RIC1: variants seen among roughly 807,000 people sequenced by gnomAD.
The protein encoded by RIC1 is guanine nucleotide exchange factor subunit RIC1.
A neutral mutation model predicts 169.0 loss-of-function variants in RIC1; 88 were observed. The observed-to-expected ratio is 0.52, with a 90% confidence interval of 0.44 to 0.62. The LOEUF is 0.62. RIC1 is among the 20% of genes least tolerant of loss of function. The pLI is 0.00. For missense variants in RIC1, 1,877 were observed against 1,725.5 expected (o/e 1.09, Z -1.56); for synonymous variants, 790 against 601.5 (o/e 1.31, Z -4.59).
chr9:5,732,514 T>G, intron 7 of RIC1, 35 bp downstream of exon 7: 1 of 1,445,428 alleles, frequency 6.9e-7, no homozygotes, highest in Non-Finnish European at 9.4e-7. Flanking sequence ...TTTTTAAGAG[T>G]TGTTGCAAAA....
At chr9:5,652,944 C>T (rs1350915988) in intron 1 of RIC1, among the ~76,000 whole-genome samples, 1 of 152,000 alleles carries the variant, frequency 6.6e-6, no homozygotes, top group African/African-American at 2.4e-5. Flanking sequence ...GCTTTTTCTG[C>T]CTCTCCTGAA....
intron 10 of RIC1, among the ~76,000 whole-genome samples, chr9:5,745,693 T>C (rs1275690661): frequency 6.6e-6 from 1 of 152,176 alleles, no homozygotes; most frequent in African/African-American, 2.4e-5. Context: ...GCATTAAGAA[T>C]GGTAGGTAAT....
intron 3 of RIC1, among the ~76,000 whole-genome samples, chr9:5,690,696 A>T (rs1821545190): frequency 6.6e-6 from 1 of 151,952 alleles, no homozygotes; most frequent in South Asian, 2.1e-4. Flanking sequence ...TTACTGTGTG[A>T]AAAGTTTAAA....
chr9:5,640,933 C>A (rs1818207534), intron 1 of RIC1, among the ~76,000 whole-genome samples: 1 of 152,042 alleles, frequency 6.6e-6, no homozygotes. Flanking sequence ...GCCACTCTCT[C>A]CTGGCCTGTA....
chr9:5,694,146 G>T (rs1433767508), intron 3 of RIC1, among the ~76,000 whole-genome samples: 2 of 152,142 alleles, frequency 1.3e-5, no homozygotes, highest in African/African-American at 4.8e-5. Flanking sequence ...CCTGAGGTTA[G>T]CAATTTTTAA....
Position 5,633,396 on chromosome 9 carries a change from A to G in RIC1, c.144+3943A>G, listed in dbSNP as rs137896087. ...ACTGTTGATGAAAGAATGGAGTTCA[A>G]ACTCCTTAGTTTGATATCACAGACA... On this transcript the variant is annotated intron_variant, in intron 1 of 25. Coordinates refer to ENST00000414202, the MANE Select transcript of RIC1 (RefSeq NM_020829.4). 2.6e-5 allele frequency among the ~76,000 whole-genome samples: 4 copies of G among 152,194 alleles called. No homozygotes were observed. The East Asian group carries it at 5.8e-4, about 22-fold the overall frequency.
chr9:5,705,606 G>A (rs1049852711), intron 3 of RIC1, among the ~76,000 whole-genome samples: 20 of 151,826 alleles, frequency 1.3e-4, no homozygotes, highest in African/African-American at 4.3e-4. Flanking sequence ...CATTTTTTCC[G>A]TTTCTGTTGG....
downstream of RIC1, among the ~76,000 whole-genome samples, chr9:5,778,103 T>C (rs1260215708): frequency 1.3e-5 from 2 of 152,198 alleles, no homozygotes; most frequent in Non-Finnish European, 2.9e-5. Flanking sequence ...GTCTTTCCAT[T>C]TATTGGGTTT....
Position 5,763,337 on chromosome 9 carries a change from G to C in RIC1, c.2310G>C (p.Leu770=). 6.2e-7 allele frequency: 1 copy of C among 1,614,156 alleles called. No individual in the cohort carries two copies. The highest frequency in any genetic ancestry group is 1.3e-5 in the African/African-American group (1 of 75,028). ...PHSFLSQRIM[L]PFHINIYPLA... is the part of the protein sequence containing the mutation. ...CCTTCTTGTCCCAGCGGATCATGCT[G>C]CCTTTCCACATCAACATTTACCCGC... The change falls in exon 19 of 26, where the codon CTG becomes CTC. Residue 770 remains leucine, a synonymous_variant. Coordinates refer to ENST00000414202, the MANE Select transcript of RIC1 (RefSeq NM_020829.4). This position sits in a 1 kb window ranked among gnomAD's most constrained non-coding sequence, Gnocchi z 5.2.
chr9:5,755,889 C>A (rs1202162726), intron 15 of RIC1, among the ~76,000 whole-genome samples: 2 of 151,976 alleles, frequency 1.3e-5, no homozygotes, highest in African/African-American at 4.8e-5. Context: ...TGCCACTGCA[C>A]TCCAGCCTGG....
intron 3 of RIC1, among the ~76,000 whole-genome samples, chr9:5,696,883 G>T (rs1474979542): frequency 2.0e-5 from 3 of 152,140 alleles, no homozygotes; most frequent in Non-Finnish European, 4.4e-5. Context: ...AGATCTTACT[G>T]ATCTTTTGAG....
Position 5,756,217 on chromosome 9 carries a change from A to C in RIC1, c.1698A>C (p.Arg566Ser). ...YNINDRQEELRVYLRTSNLDN... is the reference protein window; with the variant it reads ...YNINDRQEELSVYLRTSNLDN... ...TTCATTTTTGTTTTCTTCAGCTTAG[A>C]GTATACTTGCGAACATCAAATCTGG... The change falls in exon 16 of 26, where the codon AGA becomes AGC. Residue 566 changes from arginine to serine, a missense_variant. This residue lies in a region of RIC1 where 1,104 missense variants were observed against 992.0 expected (regional missense o/e 1.11). Coordinates refer to ENST00000414202, the MANE Select transcript of RIC1 (RefSeq NM_020829.4). The C allele has an allele frequency of 6.4e-7, 1 of 1,557,850 alleles. No individual in the cohort carries two copies. The highest frequency in any genetic ancestry group is 8.7e-7 in the Non-Finnish European group (1 of 1,146,068).
At chr9:5,651,332 G>A (rs1563869594) in intron 1 of RIC1, among the ~76,000 whole-genome samples, 1 of 151,964 alleles carries the variant, frequency 6.6e-6, no homozygotes, top group East Asian at 1.9e-4. Flanking sequence ...ATGTTCTGTT[G>A]AAAGTGTGAC....
At chr9:5,754,983 C>T (rs563657990) in intron 15 of RIC1, 53 bp downstream of exon 15, 1 of 1,167,874 alleles carries the variant, frequency 8.6e-7, no homozygotes, top group Non-Finnish European at 1.2e-6. Flanking sequence ...AGCTATTAAG[C>T]ATGAATTAAT....
intron 2 of RIC1, among the ~76,000 whole-genome samples, chr9:5,658,928 G>A (rs1819277448): frequency 1.3e-5 from 2 of 149,742 alleles, no homozygotes; most frequent in Admixed American, 6.7e-5. Flanking sequence ...AGCTTTTGCT[G>A]TATTAGAAAA....
At chr9:5,689,044 C>CTTTTTTTT (rs34717277) in intron 2 of RIC1, among the ~76,000 whole-genome samples, 89 of 99,020 alleles carry the variant, frequency 9.0e-4, no homozygotes, top group East Asian at 1.6e-3. Flanking sequence ...AATACAATTT[C>CTTTTTTTT]TTTTTTTTTT....
chr9:5,678,323 T>C (rs1192393825), intron 2 of RIC1, among the ~76,000 whole-genome samples: 3 of 152,180 alleles, frequency 2.0e-5, no homozygotes, highest in Non-Finnish European at 2.9e-5. Flanking sequence ...TGCATGTGTC[T>C]TTATAGCAGC....
At chr9:5,665,368 G>A (rs1472121751) in intron 2 of RIC1, among the ~76,000 whole-genome samples, 3 of 152,118 alleles carry the variant, frequency 2.0e-5, no homozygotes, top group Non-Finnish European at 1.5e-5. Context: ...TTCTTACTTT[G>A]CATTGGGTTA....
At chr9:5,659,877 T>C (rs929964283) in intron 2 of RIC1, among the ~76,000 whole-genome samples, 5 of 152,204 alleles carry the variant, frequency 3.3e-5, no homozygotes, top group African/African-American at 1.2e-4. Context: ...ATGTGTAGGA[T>C]GTGTGGGTTT....
Sources: allele counts gnomAD v4.1 joint callset (sites outside exome capture counted in the v4.1 genomes callset), GRCh38; gene constraint gnomAD v4.1.1; regional missense constraint gnomAD v4.1.1; non-coding constraint Gnocchi (gnomAD v3.1); transcripts MANE v1.5; gene names NCBI Gene and HGNC (gene_info 2026-07-23, HGNC 2026-07-21).